Variants in ZDBF2 observed in about 807,000 individuals in gnomAD.
ZDBF2 encodes the protein DBF4-type zinc finger-containing protein 2.
In ZDBF2, 6 loss-of-function variants were observed where a neutral mutation model predicts 9.4. That is an observed-to-expected ratio of 0.64 (90% CI 0.35 to 1.27). ZDBF2 has a LOEUF of 1.27. Among genes scored for constraint, ZDBF2 ranks in the 50% most tolerant of loss-of-function variants. The pLI is 0.03. For missense variants in ZDBF2, 2,697 were observed against 2,766.8 expected (o/e 0.97, Z 0.57); for synonymous variants, 905 against 946.3 (o/e 0.96, Z 0.80).
rs776322346 is a variant in ZDBF2 at position 206,298,262 on chromosome 2, TTATAA to T, written c.188+893_188+897del. ...CATTGGTAGAAAATCAGATTAAATA[TTATAA>T]TATGTTTGTAGCTCCCGCTGTACAA... On this transcript the variant is annotated intron_variant, in intron 4 of 4. Transcript: ENST00000374423. Among the ~76,000 whole-genome samples, 58 of 152,326 alleles carry T rather than the reference TTATAA, an allele frequency of 3.8e-4. 1 individual carries two copies. Among genetic ancestry groups the T allele is most frequent in the African/African-American group, 1.0e-3 (43 of 41,578 alleles).
intron 1 of ZDBF2, among the ~76,000 whole-genome samples, chr2:206,275,737 C>T (rs1045642871): frequency 6.6e-6 from 1 of 152,172 alleles, no homozygotes; most frequent in African/African-American, 2.4e-5. Flanking sequence ...TGGAGGCAGC[C>T]TGTAGCGATC....
intron 3 of ZDBF2, chr2:206,291,959 G>C: frequency 2.5e-6 from 1 of 396,748 alleles, no homozygotes; most frequent in Non-Finnish European, 4.4e-6. Context: ...TAATAAGGAA[G>C]GTGAAATAAA....
chr2:206,277,012 A>G (rs993136786), intron 1 of ZDBF2, among the ~76,000 whole-genome samples: 2 of 152,218 alleles, frequency 1.3e-5, no homozygotes, highest in South Asian at 2.1e-4. Context: ...ATTGCTCCTC[A>G]ATTGTTTCCC....
intron 3 of ZDBF2, among the ~76,000 whole-genome samples, chr2:206,288,701 C>T (rs901982305): frequency 5.9e-5 from 9 of 152,054 alleles, no homozygotes; most frequent in African/African-American, 2.2e-4. Flanking sequence ...AACTTTTAGG[C>T]ACCCCCTAGT....
chr2:206,295,363 CTTTT>C (rs571707187), intron 3 of ZDBF2, among the ~76,000 whole-genome samples: 1 of 110,978 alleles, frequency 9.0e-6, no homozygotes. Flanking sequence ...CTTTTCTTTT[CTTTT>C]TTTTTTTTTT....
At position 206,307,266 on chromosome 2, in the gene ZDBF2, A is replaced by T. The variant is rs918000176; in HGVS notation, c.2738A>T (p.Asp913Val). The T allele has an allele frequency of 1.9e-6, 3 of 1,607,534 alleles. No individual in the cohort carries two copies. The highest frequency in any genetic ancestry group is 2.5e-6 in the Non-Finnish European group (3 of 1,178,252). ...GAAAATAAGGAAAATGAACCTATTGATTCTGAAGTAAGTTTGGATTATAAT... is the reference window on the plus strand; with the variant it reads ...GAAAATAAGGAAAATGAACCTATTGTTTCTGAAGTAAGTTTGGATTATAAT... Reference protein sequence around the residue: ...HLENKENEPIDSEVSLDYNII... With the variant: ...HLENKENEPIVSEVSLDYNII... Residue 913 changes from aspartate to valine, a missense_variant, in exon 5 of 5, where the codon GAT becomes GTT. Asp to Val is a radical substitution (Grantham distance 152, BLOSUM62 -3). Transcript: ENST00000374423.
At chr2:206,291,958 A>G in intron 3 of ZDBF2, 1 of 397,186 alleles carries the variant, frequency 2.5e-6, no homozygotes, top group Non-Finnish European at 4.4e-6. Flanking sequence ...TTAATAAGGA[A>G]GGTGAAATAA....
chr2:206,299,159 G>A (rs1169064084), intron 4 of ZDBF2, among the ~76,000 whole-genome samples: 1 of 152,104 alleles, frequency 6.6e-6, no homozygotes, highest in Non-Finnish European at 1.5e-5. Context: ...GGGATTACAG[G>A]CGTGAGCCAA....
rs145820954 is a variant in ZDBF2, at chr2:206,294,163, A to G, written c.61-3083A>G. Among the ~76,000 whole-genome samples the G allele has an allele frequency of 2.0e-4, 30 of 152,338 alleles. No individual in the cohort carries two copies. The East Asian group carries it at 5.8e-3, about 29-fold the overall frequency. On this transcript the variant is annotated intron_variant, in intron 3 of 4. Coordinates refer to ENST00000374423, the MANE Select transcript of ZDBF2 (RefSeq NM_020923.3). Reference sequence around the variant, plus strand: ...ACATATTATATGACTCCATTTATATACATTTCAGAAAATTTCAAAACTATA... The same window carrying G: ...ACATATTATATGACTCCATTTATATGCATTTCAGAAAATTTCAAAACTATA...
chr2:206,286,573 A>T (rs1398215879), intron 3 of ZDBF2, among the ~76,000 whole-genome samples: 2 of 151,940 alleles, frequency 1.3e-5, no homozygotes, highest in African/African-American at 4.8e-5. Context: ...AAAAAAAAAA[A>T]AATAAAAGAG....
chr2:206,312,928 A>T lies in ZDBF2; in HGVS notation c.*1335A>T, dbSNP rs1028040476. 7 of 152,354 alleles carry T rather than the reference A, an allele frequency of 4.6e-5. No homozygotes were observed. Among genetic ancestry groups the T allele is most frequent in the African/African-American group, 1.4e-4 (6 of 41,586 alleles). The allele number at this position is 152,354 out of a possible 1,614,324, so 9.4% of individuals were successfully genotyped here. ...CAGATTTTAACAGTTCAAATGAAAG[A>T]TGTTAACGAGATGCAGTTTGAGTCT... On this transcript the variant is annotated 3_prime_UTR_variant, in exon 5 of 5. Coordinates refer to ENST00000374423, the MANE Select transcript of ZDBF2 (RefSeq NM_020923.3).
chr2:206,299,292 T>C (rs1692371764), intron 4 of ZDBF2, among the ~76,000 whole-genome samples: 1 of 152,244 alleles, frequency 6.6e-6, no homozygotes, highest in African/African-American at 2.4e-5. Context: ...TCTGGAATAA[T>C]TTCAGGCTAA....
In ZDBF2 at chr2:206,313,936, CTTATAA is replaced by C. The variant is rs556794315; in HGVS notation, c.*2346_*2351del. On this transcript the variant is annotated 3_prime_UTR_variant, in exon 5 of 5. Coordinates refer to ENST00000374423, the MANE Select transcript of ZDBF2 (RefSeq NM_020923.3). ...GCTTGAAAACTTGAAATTGTTGAAA[CTTATAA>C]TTTAAATTAAATTGGAAATTACTTT... is the stretch of plus-strand genomic sequence containing the variant. 1.4e-4 allele frequency: 22 copies of C among 152,174 alleles called. No individual in the cohort carries two copies. Among genetic ancestry groups the C allele is most frequent in the Middle Eastern group, 6.8e-3 (2 of 294 alleles). 9.4% of individuals were successfully genotyped at this position (152,174 alleles called of 1,614,324 possible).
chr2:206,306,426 G>A lies in ZDBF2; in HGVS notation c.1898G>A (p.Gly633Glu). ...CATCTTGATTGTGATGTCTCACTTG[G>A]GACAGTTGCAGATGAATCCCAGAGG... is the stretch of plus-strand genomic sequence containing the variant. ...KAHLDCDVSLGTVADESQRAV... is the reference protein window; with the variant it reads ...KAHLDCDVSLETVADESQRAV... Residue 633 changes from glycine (G) to glutamate (E), a missense_variant, in exon 5 of 5, where the codon GGG becomes GAG. Coordinates refer to ENST00000374423, the MANE Select transcript of ZDBF2 (RefSeq NM_020923.3). The A allele has an allele frequency of 6.2e-7, 1 of 1,613,780 alleles. No individual in the cohort carries two copies. The highest frequency in any genetic ancestry group is 1.3e-5 in the African/African-American group (1 of 75,030).
Position 206,306,699 on chromosome 2 carries a change from A to C in ZDBF2, c.2171A>C (p.Glu724Ala). Residue 724 changes from glutamate (E) to alanine (A), a missense_variant, in exon 5 of 5, where the codon GAA becomes GCA. Physicochemically the swap from Glu to Ala is moderately radical, Grantham distance 107. Around this residue, in one of 3 missense-constraint regions of ZDBF2, gnomAD observed 910 missense variants for 973.6 expected, o/e 0.93. Coordinates refer to ENST00000374423, the MANE Select transcript of ZDBF2 (RefSeq NM_020923.3). ...CATTCAGCTCATGATGAGCCTCAAG[A>C]AGCTTTGGATGAAGTAAATCTTAAA... ...LYHSAHDEPQ[E>A]ALDEVNLKEL... 1.9e-6 allele frequency: 3 copies of C among 1,613,804 alleles called. No homozygotes were observed. The highest frequency in any genetic ancestry group is 2.5e-6 in the Non-Finnish European group (3 of 1,179,790).
At chr2:206,298,241 G>A (rs987707904) in intron 4 of ZDBF2, among the ~76,000 whole-genome samples, 5 of 152,210 alleles carry the variant, frequency 3.3e-5, no homozygotes, top group Non-Finnish European at 7.4e-5. Flanking sequence ...GAAAAACATT[G>A]GTAGAAAATC....
intron 4 of ZDBF2, 38 bp downstream of exon 4, chr2:206,297,411 A>T (rs1486745609): frequency 3.8e-6 from 6 of 1,568,698 alleles, no homozygotes; most frequent in Non-Finnish European, 4.3e-6. Flanking sequence ...ATACGTAGTT[A>T]TATGTTACAG....
In ZDBF2 at chr2:206,313,675, A is replaced by T. The variant is rs1195841917; in HGVS notation, c.*2082A>T. The T allele has an allele frequency of 6.6e-6, 1 of 152,234 alleles. No individual in the cohort carries two copies. Among genetic ancestry groups the T allele is most frequent in the Admixed American group, 6.5e-5 (1 of 15,288 alleles). The allele number at this position is 152,234 out of a possible 1,614,324, so 9.4% of individuals were successfully genotyped here. A position where few individuals can be genotyped will look rare whatever the true frequency, so the allele number is the denominator to read the frequency against. Reference sequence around the variant, plus strand: ...CTATGATGTGTCATATCGTGATTACATCATGCAGAGAGAACAGTTCCTGTA... The same window carrying T: ...CTATGATGTGTCATATCGTGATTACTTCATGCAGAGAGAACAGTTCCTGTA... On this transcript the variant is annotated 3_prime_UTR_variant, in exon 5 of 5. Coordinates refer to ENST00000374423, the MANE Select transcript of ZDBF2 (RefSeq NM_020923.3).
In ZDBF2 at chr2:206,309,204, A is replaced by T; in HGVS notation, c.4676A>T (p.Asp1559Val). Residue 1559 changes from aspartate (D) to valine (V), a missense_variant, in exon 5 of 5, where the codon GAT becomes GTT. Asp to Val is a radical substitution (Grantham distance 152, BLOSUM62 -3). Coordinates refer to ENST00000374423, the MANE Select transcript of ZDBF2 (RefSeq NM_020923.3). The stretch of plus-strand genomic sequence containing the variant: ...GACCCACCTCAGTTGACTGTCAAAG[A>T]TATCAGCTGTATAAATACAGAATGT... Reference protein sequence around the residue: ...VTDPPQLTVKDISCINTECID... With the variant: ...VTDPPQLTVKVISCINTECID... The T allele has an allele frequency of 6.2e-7, 1 of 1,607,660 alleles. No individual in the cohort carries two copies.
Sources: gnomAD v4.1 joint callset for allele counts (sites outside exome capture counted in the v4.1 genomes callset) on GRCh38, gnomAD v4.1.1 for gene constraint, gnomAD v4.1.1 regional missense constraint, MANE v1.5 for transcripts, NCBI Gene and HGNC (gene_info 2026-07-23, HGNC 2026-07-21) for gene names.